The following SNTG2 variants were observed in gnomAD, a reference collection of about 807,000 sequenced individuals.
SNTG2 encodes gamma-2-syntrophin.
SNTG2 carries 74 observed loss-of-function variants against 70.9 expected under a neutral mutation model. The observed-to-expected ratio is 1.04, with a 90% CI of 0.86 to 1.27. The LOEUF is 1.27. Among genes scored for constraint, SNTG2 ranks in the 50% most tolerant of loss-of-function variants. SNTG2 has a pLI of 0.00. For synonymous variants in SNTG2, 278 were observed against 273.8 expected (o/e 1.02, Z -0.15); for missense variants, 717 against 690.7 (o/e 1.04, Z -0.43).
In SNTG2 at chr2:1,308,524, G is replaced by C; in HGVS notation, c.1315G>C (p.Glu439Gln). The C allele has an allele frequency of 6.4e-7, 1 of 1,551,706 alleles. No homozygotes were observed. The highest frequency in any genetic ancestry group is 1.2e-5 in the South Asian group (1 of 84,044). Residue 439 changes from glutamate to glutamine, a missense_variant, in exon 15 of 17, where the codon GAG (glutamate) becomes CAG (glutamine). Transcript: ENST00000308624. ...AACATACATGTGCAGCTGGCAAGGA[G>C]AGATGCTGTGTTTCACGGTGGATTT... ...SRTYMCSWQG[E>Q]MLCFTVDFAL...
At chr2:1,156,024 G>A (rs571552646) in intron 6 of SNTG2, among the ~76,000 whole-genome samples, 5 of 152,152 alleles carry the variant, frequency 3.3e-5, no homozygotes, top group Admixed American at 6.5e-5. Context: ...AAGGAACCCC[G>A]CCGAGGAGAC....
intron 7 of SNTG2, among the ~76,000 whole-genome samples, chr2:1,170,865 C>T (rs937384983): frequency 9.2e-5 from 14 of 152,114 alleles, no homozygotes; most frequent in Admixed American, 3.9e-4. Context: ...GAGTGGATGC[C>T]GACTACTGGA....
chr2:1,146,664 TC>T (rs2147791586), intron 6 of SNTG2, among the ~76,000 whole-genome samples: 1 of 152,340 alleles, frequency 6.6e-6, no homozygotes, highest in Admixed American at 6.5e-5. Context: ...GCTAATTTAA[TC>T]AAGACAGTGT....
At chr2:1,321,868 T>TCCCTCCTTCGTTGCCTC (rs1553279139) in intron 16 of SNTG2, among the ~76,000 whole-genome samples, 3 of 146,858 alleles carry the variant, frequency 2.0e-5, no homozygotes, top group African/African-American at 7.4e-5. Context: ...CCTTCTTTCT[T>TCCCTCCTTCGTTGCCTC]CCTCCCTCCT....
intron 9 of SNTG2, among the ~76,000 whole-genome samples, chr2:1,228,561 C>T (rs760039139): frequency 6.6e-6 from 1 of 152,186 alleles, no homozygotes; most frequent in Non-Finnish European, 1.5e-5. Context: ...TGCTGTGTCC[C>T]GGGCCCTGAG....
At chr2:1,226,807 T>G (rs1675816588) in intron 9 of SNTG2, among the ~76,000 whole-genome samples, 1 of 152,190 alleles carries the variant, frequency 6.6e-6, no homozygotes, top group African/African-American at 2.4e-5. Context: ...ACTGTTTTAT[T>G]TTTATAGACA....
intron 16 of SNTG2, among the ~76,000 whole-genome samples, chr2:1,365,675 C>T (rs1661440336): frequency 6.6e-6 from 1 of 152,206 alleles, no homozygotes. Context: ...CTTGGCCTCC[C>T]TCTCCCTGTC....
Position 1,237,922 on chromosome 2 carries a change from G to A in SNTG2, c.754G>A (p.Val252Ile), listed in dbSNP as rs777590173. ...NAFEVLALDG[V>I]SSGILRFYTA... ...GTTCGAGGTGCTCGCCCTGGACGGA[G>A]TCAGCTCTGGGATCCTCCGGTTTTA... The change falls in exon 10 of 17, where the codon GTC (valine) becomes ATC (isoleucine). Residue 252 changes from valine (V) to isoleucine (I), a missense_variant. Physicochemically the swap from Val to Ile is conservative, Grantham distance 29. Transcript: ENST00000308624. 3.7e-6 allele frequency: 6 copies of A among 1,606,470 alleles called. No individual in the cohort carries two copies. Among genetic ancestry groups the A allele is most frequent in the Admixed American group, 3.4e-5 (2 of 59,186 alleles).
chr2:1,045,674 G>T (rs1343715615), intron 1 of SNTG2, among the ~76,000 whole-genome samples: 1 of 152,136 alleles, frequency 6.6e-6, no homozygotes, highest in African/African-American at 2.4e-5. Flanking sequence ...TAATTTCAGT[G>T]TAAGTGTATG....
In SNTG2 at chr2:1,160,029, G is replaced by C. The variant is rs539932085; in HGVS notation, c.412-5519G>C. 2.0e-5 allele frequency: 3 copies of C among 152,332 alleles called. No homozygotes were observed. The East Asian group carries it at 5.8e-4, about 29-fold the overall frequency. The allele number at this position is 152,332 out of a possible 1,614,324, so 9.4% of individuals were successfully genotyped here. ...ATGAATAATATGGGATAAGCTGTCA[G>C]ATGTGTTAGATAAAGAAAGTATCAT... On this transcript the variant is annotated intron_variant, in intron 6 of 16. Transcript: ENST00000308624.
chr2:1,366,178 T>G (rs3923532), intron 16 of SNTG2, among the ~76,000 whole-genome samples: 109,779 of 152,082 alleles, frequency 0.72, 39,919 homozygotes, highest in East Asian at 0.94. Context: ...CACCTCAAAA[T>G]AAATTTTATT....
intron 16 of SNTG2, among the ~76,000 whole-genome samples, chr2:1,365,325 T>G (rs942956302): frequency 6.6e-6 from 1 of 152,240 alleles, no homozygotes; most frequent in African/African-American, 2.4e-5. Flanking sequence ...CCTCAACATC[T>G]TGAACATTTT....
At chr2:974,502 G>A (rs529692934) in intron 1 of SNTG2, among the ~76,000 whole-genome samples, 94 of 152,348 alleles carry the variant, frequency 6.2e-4, no homozygotes, top group Non-Finnish European at 7.1e-4. Context: ...ACCCCTGCAT[G>A]CAGGAGCTGG....
chr2:1,173,745 C>T (rs570436472), intron 8 of SNTG2, among the ~76,000 whole-genome samples: 5 of 152,246 alleles, frequency 3.3e-5, no homozygotes, highest in Non-Finnish European at 7.3e-5. Flanking sequence ...TCTCCTTCCT[C>T]AGAAGCCTGG....
intron 14 of SNTG2, among the ~76,000 whole-genome samples, chr2:1,283,574 C>T (rs1325645166): frequency 4.6e-5 from 7 of 152,258 alleles, no homozygotes; most frequent in South Asian, 2.1e-4. Flanking sequence ...TCCAGGACAC[C>T]GTTCACCCTG....
At chr2:1,237,397 A>G (rs1473608318) in intron 9 of SNTG2, among the ~76,000 whole-genome samples, 1 of 152,166 alleles carries the variant, frequency 6.6e-6, no homozygotes, top group Non-Finnish European at 1.5e-5. Flanking sequence ...CTTTGCCATG[A>G]TTGAGTTCTC....
intron 16 of SNTG2, among the ~76,000 whole-genome samples, chr2:1,339,926 A>G (rs1405804688): frequency 6.6e-6 from 1 of 152,150 alleles, no homozygotes; most frequent in Admixed American, 6.5e-5. Context: ...CAGACTAGAA[A>G]CTGCTTAAGG....
intron 1 of SNTG2, among the ~76,000 whole-genome samples, chr2:1,052,138 T>C (rs1357392052): frequency 1.3e-5 from 2 of 152,126 alleles, no homozygotes; most frequent in African/African-American, 4.8e-5. Context: ...CAGCTTAGGT[T>C]GGTTGTATAA....
intron 16 of SNTG2, among the ~76,000 whole-genome samples, chr2:1,331,757 T>G (rs2148284805): frequency 6.6e-6 from 1 of 152,326 alleles, no homozygotes; most frequent in African/African-American, 2.4e-5. Flanking sequence ...CATCGTTTTC[T>G]TATTTTAAGG....
Sources: gnomAD v4.1 joint callset for allele counts (sites outside exome capture counted in the v4.1 genomes callset) on GRCh38, gnomAD v4.1.1 for gene constraint, MANE v1.5 for transcripts, NCBI Gene and HGNC (gene_info 2026-07-23, HGNC 2026-07-21) for gene names.